The following LHFPL3 variants were observed in gnomAD, a reference collection of about 807,000 sequenced individuals.
The protein encoded by LHFPL3 is LHFPL tetraspan subfamily member 3 protein.
LHFPL3 carries 5 observed loss-of-function variants against 19.3 expected under a neutral mutation model. That is an observed-to-expected ratio of 0.26 (90% CI 0.14 to 0.54). The LOEUF is 0.54. Ranked by LOEUF, LHFPL3 falls within the 20% of genes least tolerant of loss-of-function variation. LHFPL3 has a pLI of 0.94. For synonymous variants in LHFPL3, 133 were observed against 126.2 expected (o/e 1.05, Z -0.36); for missense variants, 249 against 307.4 (o/e 0.81, Z 1.42).
chr7:104,345,155 T>A lies in LHFPL3; in HGVS notation c.445+15931T>A, dbSNP rs1325786031. On this transcript the variant is annotated intron_variant, in intron 1 of 2. Transcript: ENST00000424859. ...TGTAAAGATATATTTTCCTAAGAAT[T>A]TGTCTAATTATTTTATCTAAATTTT... Among the ~76,000 whole-genome samples, 3 of 152,284 alleles carry A rather than the reference T, an allele frequency of 2.0e-5. No homozygotes were observed. The East Asian group carries it at 5.8e-4, about 29-fold the overall frequency.
chr7:104,780,391 A>G (rs1474408989), intron 2 of LHFPL3, among the ~76,000 whole-genome samples: 2 of 152,130 alleles, frequency 1.3e-5, no homozygotes, highest in African/African-American at 4.8e-5. Flanking sequence ...TCCCTTAACT[A>G]AAATCCAAAC....
At chr7:104,428,700 C>G (rs1247536535) in intron 1 of LHFPL3, among the ~76,000 whole-genome samples, 2 of 152,128 alleles carry the variant, frequency 1.3e-5, no homozygotes, top group East Asian at 3.8e-4. Flanking sequence ...CTTGAAAACT[C>G]TAGAAACTAT....
intron 1 of LHFPL3, among the ~76,000 whole-genome samples, chr7:104,557,197 C>T (rs1490746143): frequency 6.6e-6 from 1 of 152,138 alleles, no homozygotes; most frequent in Admixed American, 6.5e-5. Flanking sequence ...GGTATCTTTT[C>T]AGCAACACCC....
At chr7:104,390,615 G>A (rs1485504087) in intron 1 of LHFPL3, among the ~76,000 whole-genome samples, 10 of 152,138 alleles carry the variant, frequency 6.6e-5, no homozygotes. Flanking sequence ...CCAAGTCTTT[G>A]CTATTGTGAA....
At chr7:104,493,394 A>C (rs2115700643) in intron 1 of LHFPL3, among the ~76,000 whole-genome samples, 1 of 151,332 alleles carries the variant, frequency 6.6e-6, no homozygotes, top group South Asian at 2.1e-4. Context: ...CTAGTATCAG[A>C]GTTTCATTGT....
intron 1 of LHFPL3, among the ~76,000 whole-genome samples, chr7:104,476,625 T>G (rs917360121): frequency 1.3e-5 from 2 of 152,030 alleles, no homozygotes; most frequent in African/African-American, 4.8e-5. Context: ...CATGCCCACA[T>G]AATTTTGTAT....
chr7:104,421,570 A>G (rs2116534728), intron 1 of LHFPL3, among the ~76,000 whole-genome samples: 1 of 152,350 alleles, frequency 6.6e-6, no homozygotes, highest in East Asian at 1.9e-4. Flanking sequence ...TGAAATCTTC[A>G]GTGAGTATTT....
intron 1 of LHFPL3, among the ~76,000 whole-genome samples, chr7:104,513,570 C>A (rs1304138070): frequency 6.6e-6 from 1 of 152,178 alleles, no homozygotes; most frequent in Non-Finnish European, 1.5e-5. Context: ...TAGGGGAGAT[C>A]CCCATTACAT....
intron 1 of LHFPL3, among the ~76,000 whole-genome samples, chr7:104,617,407 C>G (rs531524218): frequency 1.6e-4 from 25 of 152,274 alleles, no homozygotes; most frequent in African/African-American, 6.0e-4. Context: ...GTAAAGACAA[C>G]AAAAGCTGGT....
chr7:104,839,299 T>C (rs571770686), intron 2 of LHFPL3, among the ~76,000 whole-genome samples: 1 of 152,190 alleles, frequency 6.6e-6, no homozygotes, highest in African/African-American at 2.4e-5. Context: ...CCAATGGAAC[T>C]CCATTCCTGA....
chr7:104,799,151 A>T (rs1484231970), intron 2 of LHFPL3, among the ~76,000 whole-genome samples: 1 of 152,140 alleles, frequency 6.6e-6, no homozygotes, highest in Non-Finnish European at 1.5e-5. Flanking sequence ...CAATTTTCAG[A>T]TTTTATTTTT....
chr7:104,401,892 T>A (rs529280895), intron 1 of LHFPL3, among the ~76,000 whole-genome samples: 1 of 152,096 alleles, frequency 6.6e-6, no homozygotes, highest in Non-Finnish European at 1.5e-5. Context: ...AAACAGACAA[T>A]ACAAATTATT....
At chr7:104,901,474 G>A (rs1792482939) in intron 2 of LHFPL3, among the ~76,000 whole-genome samples, 1 of 152,140 alleles carries the variant, frequency 6.6e-6, no homozygotes, top group Non-Finnish European at 1.5e-5. Context: ...AACATTCCCA[G>A]CACGCCTTCT....
Position 104,450,195 on chromosome 7 carries a change from G to C in LHFPL3, c.445+120971G>C, listed in dbSNP as rs183983401. On this transcript the variant is annotated intron_variant, in intron 1 of 2. Coordinates refer to ENST00000424859, the MANE Select transcript of LHFPL3 (RefSeq NM_199000.3). ...AAATCTAGAGACTAGGAAGAGGAGG[G>C]GAGTGGACAGGAGGGAAAAACATTG... 2.0e-5 allele frequency among the ~76,000 whole-genome samples: 3 copies of C among 152,242 alleles called. No homozygotes were observed. The East Asian group carries it at 5.8e-4, about 29-fold the overall frequency.
chr7:104,450,718 A>G (rs566632641), intron 1 of LHFPL3, among the ~76,000 whole-genome samples: 7 of 152,284 alleles, frequency 4.6e-5, no homozygotes, highest in East Asian at 1.9e-4. Flanking sequence ...AACTTAAAGT[A>G]TAATAAAAAC....
chr7:104,811,337 G>A (rs528941965), intron 2 of LHFPL3, among the ~76,000 whole-genome samples: 1 of 152,190 alleles, frequency 6.6e-6, no homozygotes, highest in Admixed American at 6.5e-5. Context: ...TGGAACTACA[G>A]GTCCTCACCA....
At chr7:104,742,048 A>G (rs1025505148) in intron 2 of LHFPL3, among the ~76,000 whole-genome samples, 2 of 152,236 alleles carry the variant, frequency 1.3e-5, no homozygotes, top group African/African-American at 2.4e-5. Context: ...GCTTAATTGC[A>G]TATTTTAACA....
chr7:104,430,435 T>A (rs1257695072), intron 1 of LHFPL3, among the ~76,000 whole-genome samples: 2 of 14,272 alleles, frequency 1.4e-4, no homozygotes, highest in African/African-American at 6.5e-4. Flanking sequence ...TATATATATA[T>A]ATATATATAT....
chr7:104,803,458 C>G (rs1366499863), intron 2 of LHFPL3: 2 of 152,342 alleles, frequency 1.3e-5, no homozygotes, highest in East Asian at 3.9e-4. Flanking sequence ...TAACCCCATA[C>G]TTGAATTAAA....
Sources: allele counts gnomAD v4.1 joint callset (sites outside exome capture counted in the v4.1 genomes callset), GRCh38; gene constraint gnomAD v4.1.1; transcripts MANE v1.5; gene names NCBI Gene and HGNC (gene_info 2026-07-23, HGNC 2026-07-21).